Variants in REEP3 observed in about 807,000 individuals in gnomAD.
REEP3 encodes receptor accessory protein 3, also known as receptor expression-enhancing protein 3.
In REEP3, 20 loss-of-function variants were observed where a neutral mutation model predicts 41.3. The ratio of observed to expected loss-of-function variants is 0.48; its 90% CI spans 0.34 to 0.70. REEP3 has a LOEUF of 0.70. REEP3 is among the 30% of genes least tolerant of loss of function. REEP3 has a pLI of 0.01. For missense variants in REEP3, 271 were observed against 308.8 expected (o/e 0.88, Z 0.92); for synonymous variants, 104 against 101.8 (o/e 1.02, Z -0.13).
At chr10:63,589,785 CTTTTTTTTTTTT>C (rs59658061) in intron 2 of REEP3, among the ~76,000 whole-genome samples, 2 of 80,820 alleles carry the variant, frequency 2.5e-5, no homozygotes, top group African/African-American at 9.4e-5. Context: ...AGCAGAACAT[CTTTTTTTTTTTT>C]TTTTTTTTTT....
intron 2 of REEP3, among the ~76,000 whole-genome samples, chr10:63,591,408 C>CA (rs888991588): frequency 4.2e-5 from 6 of 142,376 alleles, no homozygotes; most frequent in African/African-American, 1.2e-4. Context: ...CTGATGAGAA[C>CA]AAAAAAAATC....
intron 2 of REEP3, among the ~76,000 whole-genome samples, chr10:63,573,035 T>C (rs1021794398): frequency 6.6e-6 from 1 of 152,244 alleles, no homozygotes; most frequent in Non-Finnish European, 1.5e-5. Flanking sequence ...ATTTCACTGC[T>C]ATCTACTTCA....
chr10:63,585,755 A>G (rs891331932), intron 2 of REEP3, among the ~76,000 whole-genome samples: 3 of 152,320 alleles, frequency 2.0e-5, no homozygotes, highest in African/African-American at 4.8e-5. Context: ...TAAAGGTATC[A>G]TTTAAGAAAA....
At chr10:63,599,961 C>T (rs1956157696) in intron 5 of REEP3, among the ~76,000 whole-genome samples, 1 of 152,122 alleles carries the variant, frequency 6.6e-6, no homozygotes, top group African/African-American at 2.4e-5. Flanking sequence ...TCCTTAGTTG[C>T]TTCATGTATA....
At chr10:63,596,346 T>C (rs1956114424) in intron 3 of REEP3, among the ~76,000 whole-genome samples, 1 of 152,060 alleles carries the variant, frequency 6.6e-6, no homozygotes, top group Non-Finnish European at 1.5e-5. Flanking sequence ...GTTTCCAAGT[T>C]CTCTTTTTAA....
rs142499595 is a variant in REEP3, at chr10:63,545,025, T to A, written c.33-21313T>A. ...AAAGTTATCATCTGCAACTCTGGGG[T>A]ATTTATTGTGATTAGATTAATTTCT... On this transcript the variant is annotated intron_variant, in intron 1 of 7. Coordinates refer to ENST00000373758, the MANE Select transcript of REEP3 (RefSeq NM_001001330.3). 9.9e-5 allele frequency among the ~76,000 whole-genome samples: 15 copies of A among 152,284 alleles called. No homozygotes were observed. The East Asian group carries it at 2.9e-3, about 29-fold the overall frequency.
In REEP3 at chr10:63,598,091, G is replaced by A. The variant is rs1235719572; in HGVS notation, c.250G>A (p.Ala84Thr). The A allele has an allele frequency of 6.3e-7, 1 of 1,599,052 alleles. No individual in the cohort carries two copies. The highest frequency in any genetic ancestry group is 2.2e-5 in the East Asian group (1 of 44,802). ...IWLLSPYTKG[A>T]SLIYRKFLHP... ...GCTGCTTTCTCCCTATACCAAAGGA[G>A]CAAGTTTAATATATAGAAAATTCCT... is the stretch of plus-strand genomic sequence containing the variant. Residue 84 changes from alanine (A) to threonine (T), a missense_variant, in exon 4 of 8, where the codon GCA (alanine) becomes ACA (threonine). Coordinates refer to ENST00000373758, the MANE Select transcript of REEP3 (RefSeq NM_001001330.3).
chr10:63,563,148 G>C (rs1168074312), intron 1 of REEP3, among the ~76,000 whole-genome samples: 1 of 152,226 alleles, frequency 6.6e-6, no homozygotes, highest in Non-Finnish European at 1.5e-5. Context: ...CTGTGAGAAA[G>C]CAAATTTCTG....
At chr10:63,561,735 TA>T (rs968094147) in intron 1 of REEP3, among the ~76,000 whole-genome samples, 2 of 151,948 alleles carry the variant, frequency 1.3e-5, no homozygotes, top group Non-Finnish European at 2.9e-5. Flanking sequence ...AGTTTGAAAA[TA>T]AAACAAGAGA....
chr10:63,603,514 C>A (rs72838783), intron 5 of REEP3, among the ~76,000 whole-genome samples: 4 of 151,748 alleles, frequency 2.6e-5, no homozygotes, highest in Admixed American at 2.0e-4. Flanking sequence ...TTAATTTATA[C>A]GTTAACACCT....
chr10:63,599,503 AATAC>A (rs1010932404), intron 5 of REEP3, among the ~76,000 whole-genome samples: 5 of 152,350 alleles, frequency 3.3e-5, no homozygotes, highest in African/African-American at 1.2e-4. Flanking sequence ...GTTAATAAAT[AATAC>A]ATACCTGAAA....
At chr10:63,574,847 C>CTTTTTTT (rs56001048) in intron 2 of REEP3, among the ~76,000 whole-genome samples, 3 of 58,890 alleles carry the variant, frequency 5.1e-5, no homozygotes, top group African/African-American at 1.3e-4. Context: ...AGGTCAATTT[C>CTTTTTTT]TTTTTTTTTT....
intron 1 of REEP3, among the ~76,000 whole-genome samples, chr10:63,549,206 AC>A (rs1955605349): frequency 6.6e-6 from 1 of 152,244 alleles, no homozygotes; most frequent in Non-Finnish European, 1.5e-5. Flanking sequence ...AAAGCTAGAA[AC>A]CAAAGAAATA....
intron 1 of REEP3, among the ~76,000 whole-genome samples, chr10:63,551,551 C>G (rs1175338998): frequency 6.6e-6 from 1 of 152,146 alleles, no homozygotes; most frequent in Non-Finnish European, 1.5e-5. Flanking sequence ...CATATACTAC[C>G]TCAGCCACAT....
At chr10:63,591,807 G>A (rs1301021051) in intron 2 of REEP3, among the ~76,000 whole-genome samples, 1 of 152,064 alleles carries the variant, frequency 6.6e-6, no homozygotes, top group East Asian at 1.9e-4. Flanking sequence ...TCCACAATTC[G>A]TCATTCAGGG....
intron 2 of REEP3, among the ~76,000 whole-genome samples, chr10:63,571,808 T>G (rs1442504952): frequency 6.6e-6 from 1 of 152,194 alleles, no homozygotes; most frequent in Non-Finnish European, 1.5e-5. Flanking sequence ...TATTACAGGC[T>G]TAGAGAAGTG....
At chr10:63,595,574 C>CT (rs1387289742) in intron 3 of REEP3, among the ~76,000 whole-genome samples, 1 of 151,574 alleles carries the variant, frequency 6.6e-6, no homozygotes, top group African/African-American at 2.4e-5. Context: ...AATTACTCGT[C>CT]TTTTTTTTCT....
At chr10:63,566,135 C>T (rs780701909) in intron 1 of REEP3, among the ~76,000 whole-genome samples, 2 of 152,070 alleles carry the variant, frequency 1.3e-5, no homozygotes, top group African/African-American at 2.4e-5. Flanking sequence ...CCACCTGCCT[C>T]GACCTCCCAA....
At chr10:63,553,420 T>C (rs1232369117) in intron 1 of REEP3, among the ~76,000 whole-genome samples, 1 of 152,230 alleles carries the variant, frequency 6.6e-6, no homozygotes, top group African/African-American at 2.4e-5. Context: ...CCTTGACATG[T>C]AGTATGCCGT....
Sources: gnomAD v4.1 joint callset for allele counts (sites outside exome capture counted in the v4.1 genomes callset) on GRCh38, gnomAD v4.1.1 for gene constraint, MANE v1.5 for transcripts, NCBI Gene and HGNC (gene_info 2026-07-23, HGNC 2026-07-21) for gene names.